GLYATL2: variants seen among roughly 807,000 people sequenced by gnomAD.
GLYATL2 encodes glycine-N-acyltransferase like 2.
Under a neutral mutation model 21.4 loss-of-function variants are expected in GLYATL2, and 25 were observed. That is an observed-to-expected ratio of 1.17 (90% CI 0.85 to 1.63). The LOEUF (loss-of-function observed/expected upper bound fraction) is 1.63, where lower values mean the gene tolerates loss of function less well. GLYATL2 is among the 40% of genes most tolerant of loss of function. GLYATL2 has a pLI of 0.00. For missense variants in GLYATL2, 361 were observed against 343.3 expected, an observed-to-expected ratio of 1.05 and a Z score of -0.41; for synonymous variants, 114 against 118.2, an observed-to-expected ratio of 0.96 and a Z score of 0.23.
intron 1 of GLYATL2, among the ~76,000 whole-genome samples, chr11:58,877,911 T>C (rs1246972760): frequency 2.6e-5 from 4 of 152,232 alleles, no homozygotes; most frequent in African/African-American, 4.8e-5. Flanking sequence ...CCTACCTTAA[T>C]AGTCAGACAA....
chr11:58,876,693 G>A (rs537899152), intron 1 of GLYATL2, among the ~76,000 whole-genome samples: 77 of 152,332 alleles, frequency 5.1e-4, no homozygotes, highest in African/African-American at 1.8e-3. Flanking sequence ...GTGTCTGTCC[G>A]CCCCTACTGG....
At chr11:58,842,552 G>A (rs1210092358) in intron 1 of GLYATL2, among the ~76,000 whole-genome samples, 1 of 151,376 alleles carries the variant, frequency 6.6e-6, no homozygotes, top group African/African-American at 2.4e-5. Flanking sequence ...CCAGTCTGGG[G>A]TGGGTTCCTG....
Position 58,839,641 on chromosome 11 carries a change from C to A in GLYATL2, c.-29G>T, listed in dbSNP as rs1365658519. On this transcript the variant is annotated 5_prime_UTR_variant, in exon 2 of 6. Coordinates refer to ENST00000287275, the MANE Select transcript of GLYATL2 (RefSeq NM_145016.4). ...ATGTAGCACTTCAGCTTCTTTCCCTCAAGAAGATGATCTAAGGAAATAAAC... is the reference window on the plus strand; with the variant it reads ...ATGTAGCACTTCAGCTTCTTTCCCTAAAGAAGATGATCTAAGGAAATAAAC... 1.3e-6 allele frequency: 2 copies of A among 1,525,994 alleles called. No homozygotes were observed. The highest frequency in any genetic ancestry group is 4.5e-5 in the East Asian group (2 of 44,324). 94.5% of individuals were successfully genotyped at this position (1,525,994 alleles called of 1,614,324 possible).
At chr11:58,876,410 C>T (rs185042436) in intron 1 of GLYATL2, among the ~76,000 whole-genome samples, 2 of 152,168 alleles carry the variant, frequency 1.3e-5, no homozygotes, top group African/African-American at 4.8e-5. Flanking sequence ...TTTTCCCCAT[C>T]TTTGTGATTT....
chr11:58,892,940 T>C (rs1854570207), intron 1 of GLYATL2: 1 of 297,114 alleles, frequency 3.4e-6, no homozygotes, highest in Non-Finnish European at 6.6e-6. Context: ...AATTCCTTTC[T>C]TGTGATGAAT....
intron 1 of GLYATL2, among the ~76,000 whole-genome samples, chr11:58,859,956 A>G (rs902289860): frequency 6.6e-6 from 1 of 152,144 alleles, no homozygotes; most frequent in African/African-American, 2.4e-5. Flanking sequence ...TGGATGTTCT[A>G]TTCTGTTCCA....
intron 1 of GLYATL2, among the ~76,000 whole-genome samples, chr11:58,863,349 G>A (rs1044276146): frequency 2.0e-5 from 3 of 152,136 alleles, no homozygotes; most frequent in Admixed American, 6.5e-5. Context: ...GACTGGCCTG[G>A]AACTGGTGCA....
chr11:58,881,779 G>A (rs775272852), intron 1 of GLYATL2, among the ~76,000 whole-genome samples: 14 of 151,802 alleles, frequency 9.2e-5, no homozygotes, highest in Non-Finnish European at 1.8e-4. Context: ...GATGTTCCCC[G>A]CCCTGTGCCC....
At chr11:58,851,130 C>T (rs1236054732) in intron 1 of GLYATL2, among the ~76,000 whole-genome samples, 7 of 152,132 alleles carry the variant, frequency 4.6e-5, no homozygotes, top group African/African-American at 1.4e-4. Flanking sequence ...GCCCCTTTTG[C>T]CTTGTATCCA....
At chr11:58,850,143 G>A (rs753154159) in intron 1 of GLYATL2, among the ~76,000 whole-genome samples, 1 of 152,108 alleles carries the variant, frequency 6.6e-6, no homozygotes, top group Non-Finnish European at 1.5e-5. Context: ...TGGTAAAAGT[G>A]GGCATCTTTG....
At chr11:58,896,286 A>G (rs1422031338) in intron 1 of GLYATL2, among the ~76,000 whole-genome samples, 1 of 152,140 alleles carries the variant, frequency 6.6e-6, no homozygotes, top group Non-Finnish European at 1.5e-5. Flanking sequence ...CACACCTGGC[A>G]CAACCAATCC....
Position 58,865,838 on chromosome 11 carries a change from G to A in GLYATL2, n.61-27470C>T, listed in dbSNP as rs189473984. On this transcript the variant is annotated intron_variant and non_coding_transcript_variant, in intron 1 of 4. Coordinates refer to the GLYATL2 transcript ENST00000533636. ...GCTAAATTTGGGGTAGAAAAATGGT[G>A]AACAAAAGATGAAAGAAAGACAAAG... Among the ~76,000 whole-genome samples, 53 of 149,004 alleles carry A rather than the reference G, an allele frequency of 3.6e-4. 13 individuals are homozygous for A. In the East Asian group the frequency reaches 0.011, roughly 32 times the overall value.
rs1300955304 is a variant in GLYATL2 at position 58,837,299 on chromosome 11, G to T, written c.285C>A (p.Ile95=). ...GGATCTGCAAAGTTTGCTCCCAGCT[G>T]ATTACATTGGAGTATGACAGGACTT... ...LEEVLSYSNV[I]SWEQTLQIQG... The change falls in exon 4 of 6, where the codon ATC becomes ATA. Residue 95 remains isoleucine (I), a synonymous_variant. Coordinates refer to ENST00000287275, the MANE Select transcript of GLYATL2 (RefSeq NM_145016.4). 1 of 1,613,934 alleles carries T rather than the reference G, an allele frequency of 6.2e-7. No homozygotes were observed.
intron 1 of GLYATL2, among the ~76,000 whole-genome samples, chr11:58,880,186 G>T (rs1471177044): frequency 6.6e-6 from 1 of 152,138 alleles, no homozygotes; most frequent in African/African-American, 2.4e-5. Flanking sequence ...ATGGGGAGGG[G>T]TCTACCCAGG....
intron 1 of GLYATL2, among the ~76,000 whole-genome samples, chr11:58,863,589 G>A (rs1292008814): frequency 6.6e-6 from 1 of 152,180 alleles, no homozygotes; most frequent in Non-Finnish European, 1.5e-5. Context: ...GCTGGCCTAG[G>A]GCTGGGATGG....
At chr11:58,872,433 C>A (rs1274649684) in intron 1 of GLYATL2, among the ~76,000 whole-genome samples, 2 of 152,206 alleles carry the variant, frequency 1.3e-5, no homozygotes, top group African/African-American at 4.8e-5. Flanking sequence ...ACATGTAAGT[C>A]TTTAATCCAT....
intron 1 of GLYATL2, chr11:58,892,115 T>A (rs569785366): frequency 1.3e-5 from 2 of 152,594 alleles, no homozygotes; most frequent in African/African-American, 4.8e-5. Context: ...TAGGCCACTG[T>A]TAAAATTTTC....
intron 1 of GLYATL2, among the ~76,000 whole-genome samples, chr11:58,898,011 C>T (rs1854663746): frequency 6.6e-6 from 1 of 152,148 alleles, no homozygotes; most frequent in Admixed American, 6.5e-5. Context: ...ACTATGGAGT[C>T]TTATTAATTC....
chr11:58,905,730 T>C (rs1854855176), upstream of GLYATL2: 10 of 127,592 alleles, frequency 7.8e-5, no homozygotes, highest in Admixed American at 6.4e-4. Context: ...ATGGGTCATC[T>C]GGACAAATAG....
Sources: gnomAD v4.1 joint callset for allele counts (sites outside exome capture counted in the v4.1 genomes callset) on GRCh38, gnomAD v4.1.1 for gene constraint, MANE v1.5 for transcripts, NCBI Gene and HGNC (gene_info 2026-07-23, HGNC 2026-07-21) for gene names.